Variants in URI1 observed in about 807,000 individuals in gnomAD.
URI1 encodes unconventional prefoldin RPB5 interactor 1.
In URI1, 39 loss-of-function variants were observed where a neutral mutation model predicts 60.2. That is an observed-to-expected ratio of 0.65 (90% CI 0.50 to 0.85). The LOEUF (loss-of-function observed/expected upper bound fraction) is 0.85, where lower values mean the gene tolerates loss of function less well. Among genes scored for constraint, URI1 ranks in the 40% least tolerant of loss-of-function variants. The pLI is 0.00. For synonymous variants in URI1, 251 were observed against 236.8 expected (o/e 1.06, Z -0.55); for missense variants, 691 against 665.9 (o/e 1.04, Z -0.42).
chr19:29,949,627 A>C (rs962586004), intron 1 of URI1, among the ~76,000 whole-genome samples: 34 of 152,212 alleles, frequency 2.2e-4, no homozygotes, highest in Non-Finnish European at 1.2e-4. Context: ...AACATTGAGC[A>C]CTGAGTGAAC....
intron 1 of URI1, among the ~76,000 whole-genome samples, chr19:29,934,585 T>G (rs949718845): frequency 6.6e-6 from 1 of 152,114 alleles, no homozygotes; most frequent in African/African-American, 2.4e-5. Flanking sequence ...GCCCAGGCTG[T>G]AGTGCAGTGG....
rs550267175 is a variant in URI1, at chr19:29,995,352, T to C, written c.367+8935T>C. Among the ~76,000 whole-genome samples the C allele has an allele frequency of 4.9e-4, 74 of 152,312 alleles. No homozygotes were observed. The South Asian group carries it at 6.2e-3, about 13-fold the overall frequency. On this transcript the variant is annotated intron_variant, in intron 4 of 10. Transcript: ENST00000392271. The stretch of plus-strand genomic sequence containing the variant: ...GTTGAGCATCTTTTCATGTGTTTAT[T>C]GGCCACATGTATATCATCTTTGGAG...
intron 4 of URI1, among the ~76,000 whole-genome samples, chr19:29,996,477 TTTTGTG>T (rs796261990): frequency 6.9e-5 from 10 of 144,508 alleles, no homozygotes; most frequent in African/African-American, 2.8e-4. Context: ...TACAAGGGTG[TTTTGTG>T]TGTGTGTGTG....
intron 1 of URI1, among the ~76,000 whole-genome samples, chr19:29,951,552 CTTT>C (rs766190240): frequency 2.1e-5 from 3 of 139,958 alleles, no homozygotes; most frequent in African/African-American, 2.6e-5. Context: ...AGCATGCATT[CTTT>C]TTTTTTTTTT....
chr19:29,934,125 G>A (rs185285429), intron 1 of URI1, among the ~76,000 whole-genome samples: 22 of 151,612 alleles, frequency 1.5e-4, no homozygotes, highest in African/African-American at 5.3e-4. Context: ...TAGAAGAGAC[G>A]GGGTTTCACC....
intron 4 of URI1, chr19:30,004,325 A>G (rs1467473008): frequency 1.3e-5 from 2 of 152,044 alleles, no homozygotes; most frequent in African/African-American, 2.4e-5. Flanking sequence ...ATCGGAGAAC[A>G]TGTGCCACTC....
intron 1 of URI1, 130 bp downstream of exon 1, chr19:29,942,794 T>G: frequency 8.9e-7 from 1 of 1,123,352 alleles, no homozygotes; most frequent in Non-Finnish European, 1.1e-6. Flanking sequence ...TAAACTTTTG[T>G]CACGTGCTTC....
chr19:29,983,641 AG>A (rs2055625333), intron 2 of URI1, among the ~76,000 whole-genome samples: 1 of 152,204 alleles, frequency 6.6e-6, no homozygotes, highest in Admixed American at 6.5e-5. Context: ...AAAAAAATTC[AG>A]TGCTGTAGTT....
At chr19:29,998,814 A>G (rs1040999060) in intron 4 of URI1, among the ~76,000 whole-genome samples, 4 of 152,146 alleles carry the variant, frequency 2.6e-5, no homozygotes, top group Non-Finnish European at 5.9e-5. Flanking sequence ...CATGTATAGT[A>G]ATTACTGATG....
intron 1 of URI1, chr19:29,956,636 C>G (rs1258573801): frequency 6.6e-7 from 1 of 1,515,304 alleles, no homozygotes; most frequent in Admixed American, 1.7e-5. Context: ...TATTTTTCAC[C>G]CAAGAAATTT....
rs2055927387 is a variant in URI1, at chr19:30,005,350, C to T, written c.368-11C>T. The stretch of plus-strand genomic sequence containing the variant: ...CCATGCTTTACATAATGGTTGTGTT[C>T]ATTGTTTCAGATGTAAGAAAAACAA... On this transcript the variant is annotated splice_polypyrimidine_tract_variant and intron_variant, in intron 4 of 10. Coordinates refer to ENST00000392271, the MANE Select transcript of URI1 (RefSeq NM_003796.3). 1 of 1,493,312 alleles carries T rather than the reference C, an allele frequency of 6.7e-7. No individual in the cohort carries two copies. The highest frequency in any genetic ancestry group is 9.2e-7 in the Non-Finnish European group (1 of 1,085,910). 92.5% of individuals were successfully genotyped at this position (1,493,312 alleles called of 1,614,324 possible).
At position 30,009,131 on chromosome 19, in the gene URI1, T is replaced by A; in HGVS notation, c.813T>A (p.Asp271Glu). Residue 271 changes from aspartate (D) to glutamate (E), a missense_variant, in exon 8 of 11, where the codon GAT becomes GAA. By Grantham distance (45) the Asp-to-Glu change is conservative. Coordinates refer to ENST00000392271, the MANE Select transcript of URI1 (RefSeq NM_003796.3). ...ACTCTCATACTCCTTGTCATAAGGA[T>A]GTTGCAAGTTCAGAACCATTCAGTG... ...VTDSHTPCHK[D>E]VASSEPFSGQ... The A allele has an allele frequency of 6.2e-7, 1 of 1,614,072 alleles. No individual in the cohort carries two copies. The highest frequency in any genetic ancestry group is 8.5e-7 in the Non-Finnish European group (1 of 1,179,990).
intron 1 of URI1, among the ~76,000 whole-genome samples, chr19:29,965,322 G>A (rs994325711): frequency 1.3e-5 from 2 of 152,246 alleles, no homozygotes; most frequent in South Asian, 2.1e-4. Flanking sequence ...GGGTTTCTAC[G>A]AGGAAGGCAT....
At chr19:29,964,968 A>G (rs1387733591) in intron 1 of URI1, among the ~76,000 whole-genome samples, 1 of 151,626 alleles carries the variant, frequency 6.6e-6, no homozygotes, top group Non-Finnish European at 1.5e-5. Flanking sequence ...TTGCTACTCT[A>G]AAGTTTTCTT....
In URI1 at chr19:29,942,265, A is replaced by G; in HGVS notation, c.-283A>G. 1.0e-6 allele frequency: 1 copy of G among 984,468 alleles called. No homozygotes were observed. Among genetic ancestry groups the G allele is most frequent in the Non-Finnish European group, 1.2e-6 (1 of 829,550 alleles). The allele number at this position is 984,468 out of a possible 1,614,324, so 61.0% of individuals were successfully genotyped here. On this transcript the variant is annotated 5_prime_UTR_variant, in exon 1 of 11. Coordinates refer to ENST00000392271, the MANE Select transcript of URI1 (RefSeq NM_003796.3). Reference sequence around the variant, plus strand: ...TGTGGGGAGGCGCGGCCGCCACGCGACGCCTGGCTGGGCCCGCACCGGAGA... The same window carrying G: ...TGTGGGGAGGCGCGGCCGCCACGCGGCGCCTGGCTGGGCCCGCACCGGAGA...
rs2056085496 is a variant in URI1, at chr19:30,016,351, T to C, written c.*1282T>C. 1 of 152,164 alleles carries C rather than the reference T, an allele frequency of 6.6e-6. No homozygotes were observed. Among genetic ancestry groups the C allele is most frequent in the African/African-American group, 2.4e-5 (1 of 41,466 alleles). The allele number at this position is 152,164 out of a possible 1,614,324, so 9.4% of individuals were successfully genotyped here. A position where few individuals can be genotyped will look rare whatever the true frequency, so the allele number is the denominator to read the frequency against. On this transcript the variant is annotated 3_prime_UTR_variant, in exon 11 of 11. Coordinates refer to ENST00000392271, the MANE Select transcript of URI1 (RefSeq NM_003796.3). Reference sequence around the variant, plus strand: ...GATTTTGAAAGATCACCTAAAAATGTAGATTTGTTCTTTAGTAAATTTAGA... The same window carrying C: ...GATTTTGAAAGATCACCTAAAAATGCAGATTTGTTCTTTAGTAAATTTAGA...
intron 2 of URI1, among the ~76,000 whole-genome samples, chr19:29,982,541 ATTAC>A (rs1329461497): frequency 6.6e-6 from 1 of 152,190 alleles, no homozygotes; most frequent in Non-Finnish European, 1.5e-5. Context: ...CATTTGCAGA[ATTAC>A]TTATCTGAAA....
chr19:30,005,837 C>A, intron 6 of URI1, 129 bp downstream of exon 6: 1 of 792,180 alleles, frequency 1.3e-6, no homozygotes, highest in East Asian at 3.0e-5. Flanking sequence ...CAACATTTTT[C>A]TACTCATTGA....
At chr19:29,932,216 G>A (rs2054927255) in intron 1 of URI1, among the ~76,000 whole-genome samples, 1 of 151,952 alleles carries the variant, frequency 6.6e-6, no homozygotes, top group South Asian at 2.1e-4. Flanking sequence ...CGTTGAAGAG[G>A]TTCGTTTCTA....
Sources: allele counts gnomAD v4.1 joint callset (sites outside exome capture counted in the v4.1 genomes callset), GRCh38; gene constraint gnomAD v4.1.1; transcripts MANE v1.5; gene names NCBI Gene and HGNC (gene_info 2026-07-23, HGNC 2026-07-21).